The following CALCR variants were observed in gnomAD, a reference collection of about 807,000 sequenced individuals.
The protein encoded by CALCR is calcitonin receptor.
CALCR carries 47 observed loss-of-function variants against 59.5 expected under a neutral mutation model. The observed-to-expected ratio is 0.79, with a 90% CI of 0.63 to 1.01. The LOEUF (loss-of-function observed/expected upper bound fraction) is 1.01. CALCR is among the 50% of genes least tolerant of loss of function. The pLI, the probability that CALCR is intolerant of heterozygous loss-of-function variation, is 0.00. For missense variants in CALCR, 566 were observed against 597.1 expected, an observed-to-expected ratio of 0.95 and a Z score of 0.54; for synonymous variants, 213 against 211.3, an observed-to-expected ratio of 1.01 and a Z score of -0.07.
chr7:93,477,317 A>G (rs995862604), intron 5 of CALCR, among the ~76,000 whole-genome samples: 1 of 151,880 alleles, frequency 6.6e-6, no homozygotes, highest in African/African-American at 2.4e-5. Context: ...TAGAAAAGCT[A>G]TTTTTATAAA....
chr7:93,499,231 A>G (rs549599678), intron 2 of CALCR, among the ~76,000 whole-genome samples: 1 of 151,730 alleles, frequency 6.6e-6, no homozygotes, highest in Non-Finnish European at 1.5e-5. Context: ...CTAAAACAGA[A>G]TTTCCACATT....
At chr7:93,467,991 A>C (rs1800476119) in intron 7 of CALCR, among the ~76,000 whole-genome samples, 1 of 151,762 alleles carries the variant, frequency 6.6e-6, no homozygotes, top group African/African-American at 2.4e-5. Flanking sequence ...ATTTGTGAAC[A>C]TACTTGAGAA....
rs140085292 is a variant in CALCR, at chr7:93,475,895, G to A, written c.316+1663C>T. 7.0e-3 allele frequency among the ~76,000 whole-genome samples: 1,068 copies of A among 151,874 alleles called. 9 individuals carry two copies. Among genetic ancestry groups the A allele is most frequent in the Non-Finnish European group, 0.011 (758 of 67,842 alleles). On this transcript the variant is annotated intron_variant, in intron 5 of 13. Transcript: ENST00000426151. The stretch of plus-strand genomic sequence containing the variant: ...AACAGCCTGGAGACTCTCCACATGT[G>A]CTTTGATAATTGATATTTCTCTCTA...
At chr7:93,574,086 C>T (rs528775280) in intron 2 of CALCR, among the ~76,000 whole-genome samples, 1 of 152,184 alleles carries the variant, frequency 6.6e-6, no homozygotes, top group Non-Finnish European at 1.5e-5. Flanking sequence ...TGGCTCTTCC[C>T]AGGACACCTA....
At chr7:93,476,285 A>G (rs1167882399) in intron 5 of CALCR, among the ~76,000 whole-genome samples, 1 of 151,832 alleles carries the variant, frequency 6.6e-6, no homozygotes, top group Non-Finnish European at 1.5e-5. Flanking sequence ...ATTTCAATAC[A>G]GTTCTTCACT....
intron 2 of CALCR, among the ~76,000 whole-genome samples, chr7:93,537,629 C>T (rs556343497): frequency 2.6e-4 from 40 of 151,750 alleles, no homozygotes; most frequent in African/African-American, 9.6e-4. Flanking sequence ...ATTTTTATGT[C>T]AATTACTTAA....
At chr7:93,482,759 A>G (rs1800826977) in intron 3 of CALCR, 1 of 533,154 alleles carries the variant, frequency 1.9e-6, no homozygotes, top group Admixed American at 1.9e-5. Flanking sequence ...TGATGAAAGT[A>G]GCTTCCATCT....
At chr7:93,482,429 G>A (rs1235320521) in intron 3 of CALCR, among the ~76,000 whole-genome samples, 2 of 151,746 alleles carry the variant, frequency 1.3e-5, no homozygotes, top group Admixed American at 1.3e-4. Flanking sequence ...TTAGAAGATG[G>A]AACATGATGT....
rs1799960796 is a variant in CALCR, at chr7:93,443,850, G to A, written c.649-93C>T. ...AATGTGAAAACAAGCCAAAGTATCT[G>A]CATTCAGCTTGCAAGGCAGTTTCCC... On this transcript the variant is annotated intron_variant, in intron 8 of 13. Transcript: ENST00000426151. 5 of 1,072,032 alleles carry A rather than the reference G, an allele frequency of 4.7e-6. No homozygotes were observed. The Admixed American group carries it at 1.0e-4, about 22-fold the overall frequency. 66.4% of individuals were successfully genotyped at this position (1,072,032 alleles called of 1,614,324 possible). A position where few individuals can be genotyped will look rare whatever the true frequency, so the allele number is the denominator to read the frequency against.
chr7:93,536,594 TG>T, intron 2 of CALCR, among the ~76,000 whole-genome samples: 1 of 152,020 alleles, frequency 6.6e-6, no homozygotes, highest in Non-Finnish European at 1.5e-5. Flanking sequence ...GTGCACAACG[TG>T]CAAGTTTGTT....
At chr7:93,483,062 C>T (rs1028342019) in intron 3 of CALCR, among the ~76,000 whole-genome samples, 1 of 151,650 alleles carries the variant, frequency 6.6e-6, no homozygotes, top group African/African-American at 2.4e-5. Flanking sequence ...GCAGGACCTC[C>T]TGTGGATACC....
At chr7:93,468,668 G>A (rs1174873539) in intron 7 of CALCR, 47 bp downstream of exon 7, 2 of 1,333,594 alleles carry the variant, frequency 1.5e-6, no homozygotes, top group Admixed American at 1.7e-5. Context: ...ATTCGTTTCA[G>A]TAACTTAAAG....
intron 2 of CALCR, among the ~76,000 whole-genome samples, chr7:93,554,958 A>ATT (rs1483848706): frequency 6.6e-6 from 1 of 151,814 alleles, no homozygotes; most frequent in African/African-American, 2.4e-5. Context: ...GCATGAGAAA[A>ATT]TTAAATTGTT....
chr7:93,461,661 A>T (rs1295280317), intron 7 of CALCR, among the ~76,000 whole-genome samples: 1 of 152,182 alleles, frequency 6.6e-6, no homozygotes, highest in Non-Finnish European at 1.5e-5. Context: ...TGGTAGAGTC[A>T]TTCCCCACCT....
chr7:93,470,258 TACACACACAC>T (rs60525647), intron 6 of CALCR, among the ~76,000 whole-genome samples: 6 of 147,720 alleles, frequency 4.1e-5, no homozygotes, highest in African/African-American at 1.5e-4. Context: ...AGGAATCTTA[TACACACACAC>T]ACACACACAC....
intron 13 of CALCR, among the ~76,000 whole-genome samples, chr7:93,433,415 TTATAGA>T (rs994983861): frequency 2.6e-4 from 40 of 152,312 alleles, no homozygotes; most frequent in African/African-American, 9.1e-4. Context: ...CAGGAAGGAA[TTATAGA>T]TATAGATAAG....
chr7:93,435,166 T>C (rs1342562454), intron 12 of CALCR, among the ~76,000 whole-genome samples: 1 of 152,106 alleles, frequency 6.6e-6, no homozygotes, highest in African/African-American at 2.4e-5. Flanking sequence ...GCCCACTGCA[T>C]TCTCTCTTAC....
chr7:93,431,238 T>C (rs1799652512), intron 13 of CALCR, among the ~76,000 whole-genome samples: 1 of 152,190 alleles, frequency 6.6e-6, no homozygotes, highest in Admixed American at 6.5e-5. Context: ...ATCATTTGCT[T>C]TCTTAGGAAC....
intron 2 of CALCR, chr7:93,559,876 AATC>A (rs901675921): frequency 1.3e-5 from 2 of 152,124 alleles, no homozygotes; most frequent in African/African-American, 4.8e-5. Context: ...AACATGTAAT[AATC>A]TCTCTGCTGC....
Sources: gnomAD v4.1 joint callset for allele counts (sites outside exome capture counted in the v4.1 genomes callset) on GRCh38, gnomAD v4.1.1 for gene constraint, MANE v1.5 for transcripts, NCBI Gene and HGNC (gene_info 2026-07-23, HGNC 2026-07-21) for gene names.